The following COX6C variants were observed in gnomAD, a reference collection of about 807,000 sequenced individuals.
The protein encoded by COX6C is cytochrome c oxidase subunit 6C.
Under a neutral mutation model 6.9 loss-of-function variants are expected in COX6C, and 3 were observed. The observed-to-expected ratio is 0.43, with a 90% CI of 0.20 to 1.12. The LOEUF (loss-of-function observed/expected upper bound fraction) is 1.12. COX6C is among the 50% of genes most tolerant of loss of function. The pLI, the probability that COX6C is intolerant of heterozygous loss-of-function variation, is 0.27. For synonymous variants in COX6C, 32 were observed against 32.0 expected (o/e 1.00, Z 0.00); for missense variants, 101 against 97.3 (o/e 1.04, Z -0.16).
intron 3 of COX6C, chr8:99,886,216 C>T (rs2131006691): frequency 6.6e-6 from 1 of 152,248 alleles, no homozygotes; most frequent in South Asian, 2.1e-4. Context: ...ATGGTGAAAC[C>T]CTGTCTCTAC....
In COX6C at chr8:99,878,069, A is replaced by T. The variant is rs114523590; in HGVS notation, c.*212T>A. The T allele has an allele frequency of 6.6e-6, 1 of 152,372 alleles. No homozygotes were observed. The highest frequency in any genetic ancestry group is 2.4e-5 in the African/African-American group (1 of 41,590). 9.4% of individuals were successfully genotyped at this position (152,372 alleles called of 1,614,324 possible). Reference sequence around the variant, plus strand: ...CGGAAATCAAGTTAGCTTCATAAACAGTTAAATCCCAAACCAATTCTTATG... The same window carrying T: ...CGGAAATCAAGTTAGCTTCATAAACTGTTAAATCCCAAACCAATTCTTATG... On this transcript the variant is annotated 3_prime_UTR_variant, in exon 4 of 4. Transcript: ENST00000520468.
At chr8:99,891,699 C>T (rs1490438952) in intron 2 of COX6C, among the ~76,000 whole-genome samples, 1 of 152,156 alleles carries the variant, frequency 6.6e-6, no homozygotes, top group Admixed American at 6.5e-5. Flanking sequence ...AAATTTAAGG[C>T]ACCCAGTCTG....
At chr8:99,890,730 T>C (rs1818020608) in intron 2 of COX6C, among the ~76,000 whole-genome samples, 1 of 152,070 alleles carries the variant, frequency 6.6e-6, no homozygotes, top group African/African-American at 2.4e-5. Context: ...GATAAACATA[T>C]ACATATTATC....
chr8:99,881,252 C>T (rs999065488), intron 3 of COX6C, among the ~76,000 whole-genome samples: 7 of 151,708 alleles, frequency 4.6e-5, no homozygotes, highest in African/African-American at 1.7e-4. Flanking sequence ...TCAAGCTACT[C>T]GGGAGGCTGA....
At chr8:99,891,646 T>C (rs1390543797) in intron 2 of COX6C, among the ~76,000 whole-genome samples, 4 of 152,122 alleles carry the variant, frequency 2.6e-5, no homozygotes, top group Non-Finnish European at 5.9e-5. Context: ...CCTCAGAAGA[T>C]ATCAACCCTG....
chr8:99,891,950 A>G lies in COX6C; in HGVS notation c.72T>C (p.Ala24=). The change falls in exon 2 of 4, where the codon GCT becomes GCC. Residue 24 remains alanine, a synonymous_variant. Coordinates refer to ENST00000520468, the MANE Select transcript of COX6C (RefSeq NM_004374.4). ...CCCCCAGGGATAGCACGAATGCTAC[A>G]GCCATATGATTTCGCAGACGCCTGG... The part of the protein sequence containing the change: ...LLARRLRNHM[A]VAFVLSLGVA... 1 of 1,614,138 alleles carries G rather than the reference A, an allele frequency of 6.2e-7. No homozygotes were observed. The highest frequency in any genetic ancestry group is 1.7e-5 in the Admixed American group (1 of 60,020).
exon 1 of COX6C, chr8:99,893,696 CAGGCGCAGAATAA>C (rs1170164588): frequency 6.6e-6 from 1 of 152,326 alleles, no homozygotes; most frequent in Non-Finnish European, 1.5e-5. Context: ...TAGCCGCGCG[CAGGCGCAGAATAA>C]GAGTGCACAG....
chr8:99,891,979 G>A lies in COX6C; in HGVS notation c.43C>T (p.Leu15=). 6.2e-7 allele frequency: 1 copy of A among 1,613,820 alleles called. No homozygotes were observed. The highest frequency in any genetic ancestry group is 8.5e-7 in the Non-Finnish European group (1 of 1,179,960). ...VLPKPRMRGL[L]ARRLRNHMAV... ...ATATGATTTCGCAGACGCCTGGCCA[G>A]AAGGCCACGCATCCGAGGTTTTGGC... The change falls in exon 2 of 4, where the codon CTG becomes TTG. Residue 15 remains leucine, a synonymous_variant. Coordinates refer to ENST00000520468, the MANE Select transcript of COX6C (RefSeq NM_004374.4).
intron 3 of COX6C, among the ~76,000 whole-genome samples, chr8:99,885,072 G>A (rs1817926097): frequency 6.6e-6 from 1 of 152,164 alleles, no homozygotes; most frequent in Admixed American, 6.5e-5. Flanking sequence ...AACAAAGCTA[G>A]AGGACTCACA....
Position 99,887,616 on chromosome 8 carries a change from A to G in COX6C, c.117T>C (p.Phe39=). The G allele has an allele frequency of 6.3e-7, 1 of 1,589,940 alleles. No homozygotes were observed. ...LSLGVAALYK[F]RVADQRKKAY... ...CCTTCTTTCTTTGATCAGCCACACG[A>G]AACTAAAAAGCAACCATCCATTAGA... The change falls in exon 3 of 4, where the codon TTT becomes TTC. Residue 39 remains phenylalanine, a splice_region_variant and synonymous_variant. Transcript: ENST00000520468.
intron 2 of COX6C, among the ~76,000 whole-genome samples, chr8:99,889,171 G>A (rs1463059699): frequency 6.6e-6 from 1 of 152,086 alleles, no homozygotes; most frequent in East Asian, 1.9e-4. Flanking sequence ...TATATGCCAG[G>A]CAGCAGGAAT....
At chr8:99,892,540 T>C (rs1818070982) in intron 1 of COX6C, among the ~76,000 whole-genome samples, 2 of 151,912 alleles carry the variant, frequency 1.3e-5, no homozygotes, top group African/African-American at 2.4e-5. Context: ...GGTAAAATAA[T>C]AAAAGAAAAA....
At chr8:99,883,658 G>C (rs1817902575) in intron 3 of COX6C, among the ~76,000 whole-genome samples, 1 of 151,830 alleles carries the variant, frequency 6.6e-6, no homozygotes, top group African/African-American at 2.4e-5. Flanking sequence ...TGAGGAAAAG[G>C]GAACATTTCC....
chr8:99,888,621 T>G lies in COX6C; in HGVS notation c.115-1003A>C, dbSNP rs1452884970. ...GCAGAAGCACAAGTGCTGGGGGCCA[T>G]CATTACATGTACGGTTAATTTGGAC... On this transcript the variant is annotated intron_variant, in intron 2 of 3. Coordinates refer to ENST00000520468, the MANE Select transcript of COX6C (RefSeq NM_004374.4). Among the ~76,000 whole-genome samples, 4 of 152,136 alleles carry G rather than the reference T, an allele frequency of 2.6e-5. No individual in the cohort carries two copies. In the East Asian group the frequency reaches 7.7e-4, roughly 29 times the overall value.
At chr8:99,892,085 G>T in intron 1 of COX6C, 33 bp from the exon 2 acceptor site, 1 of 1,323,594 alleles carries the variant, frequency 7.6e-7, no homozygotes, top group Non-Finnish European at 1.1e-6. Flanking sequence ...ATTAAGTACA[G>T]AGTTTATTTA....
intron 3 of COX6C, among the ~76,000 whole-genome samples, chr8:99,879,132 A>C (rs1253568702): frequency 6.6e-6 from 1 of 152,244 alleles, no homozygotes; most frequent in South Asian, 2.1e-4. Context: ...AAATATACAC[A>C]TAAGATTCCA....
At chr8:99,883,570 G>A (rs374900979) in intron 3 of COX6C, among the ~76,000 whole-genome samples, 2 of 151,586 alleles carry the variant, frequency 1.3e-5, no homozygotes, top group African/African-American at 4.8e-5. Context: ...CCAAAGTGCT[G>A]GGATTACAGG....
rs767064474 is a variant in COX6C, at chr8:99,891,965, C to G, written c.57G>C (p.Leu19=). Residue 19 remains leucine, a synonymous_variant, in exon 2 of 4, where the codon CTG becomes CTC. Coordinates refer to ENST00000520468, the MANE Select transcript of COX6C (RefSeq NM_004374.4). ...CGAATGCTACAGCCATATGATTTCG[C>G]AGACGCCTGGCCAGAAGGCCACGCA... ...PRMRGLLARR[L]RNHMAVAFVL... The G allele has an allele frequency of 6.2e-7, 1 of 1,614,084 alleles. No homozygotes were observed.
At chr8:99,889,102 G>T (rs1234583659) in intron 2 of COX6C, among the ~76,000 whole-genome samples, 1 of 152,152 alleles carries the variant, frequency 6.6e-6, no homozygotes, top group Non-Finnish European at 1.5e-5. Flanking sequence ...GCTAAACTAA[G>T]GAGCAAAAAT....
Sources: allele counts gnomAD v4.1 joint callset (sites outside exome capture counted in the v4.1 genomes callset), GRCh38; gene constraint gnomAD v4.1.1; transcripts MANE v1.5; gene names NCBI Gene and HGNC (gene_info 2026-07-23, HGNC 2026-07-21).